The following SLC45A1 variants were observed in gnomAD, a reference collection of about 807,000 sequenced individuals.
The protein encoded by SLC45A1 is proton-associated sugar transporter A.
In SLC45A1, 28 loss-of-function variants were observed where a neutral mutation model predicts 57.6. The observed-to-expected ratio is 0.49, with a 90% confidence interval of 0.36 to 0.67. The LOEUF (loss-of-function observed/expected upper bound fraction) is 0.67. Ranked by LOEUF, SLC45A1 falls within the 30% of genes least tolerant of loss-of-function variation. SLC45A1 has a pLI of 0.00. For synonymous variants in SLC45A1, 459 were observed against 471.5 expected, an observed-to-expected ratio of 0.97 and a Z score of 0.34; for missense variants, 814 against 1,041.5, an observed-to-expected ratio of 0.78 and a Z score of 3.01.
In SLC45A1 at chr1:8,335,460, C is replaced by T. The variant is rs749786814; in HGVS notation, c.1467C>T (p.Gly489=). ...SQQVANILLN[G]VKYESELTGS... is the part of the protein sequence containing the mutation. ...AGGTGGCCAATATCCTGCTCAACGG[C>T]GTGAAGTATGAGAGCGAGCTGACGG... The change falls in exon 6 of 9, where the codon GGC becomes GGT. Residue 489 remains glycine, a synonymous_variant. Transcript: ENST00000471889. This position sits in a 1 kb window ranked among gnomAD's most constrained non-coding sequence, Gnocchi z 4.1. 1.2e-5 allele frequency: 19 copies of T among 1,596,596 alleles called. No individual in the cohort carries two copies. Among genetic ancestry groups the T allele is most frequent in the Admixed American group, 8.4e-5 (5 of 59,410 alleles).
chr1:8,319,107 C>G (rs936080896), intron 1 of SLC45A1, among the ~76,000 whole-genome samples: 1 of 152,104 alleles, frequency 6.6e-6, no homozygotes, highest in Non-Finnish European at 1.5e-5. Context: ...ATGGTGAAAC[C>G]CCATCTCTAC....
chr1:8,324,504 T>TGCCCCCCC lies in SLC45A1; in HGVS notation c.175_176insGCCCCCCC (p.Ser59CysfsTer53). On this transcript the variant is annotated frameshift_variant, in exon 2 of 9. Coordinates refer to ENST00000471889, the MANE Select transcript of SLC45A1 (RefSeq NM_001080397.3). LOFTEE classifies it high-confidence loss of function. ...CAAGAGGAGGAAGTGCATTCGTCCC[T>TGCCCCCCC]CCCCACCCCCGCCCCCCAACACCCC... 7 of 1,528,664 alleles carry TGCCCCCCC rather than the reference T, an allele frequency of 4.6e-6. No homozygotes were observed. The highest frequency in any genetic ancestry group is 5.4e-6 in the Non-Finnish European group (6 of 1,108,742). The allele number at this position is 1,528,664 out of a possible 1,614,324, so 94.7% of individuals were successfully genotyped here.
At chr1:8,342,141 A>C (rs1421143418) in intron 8 of SLC45A1, among the ~76,000 whole-genome samples, 2 of 152,140 alleles carry the variant, frequency 1.3e-5, no homozygotes, top group African/African-American at 4.8e-5. Context: ...CGGGAGGCGG[A>C]GCTTGCAGTG....
rs747538712 is a variant in SLC45A1, at chr1:8,339,510, G to C, written c.1792G>C (p.Glu598Gln). The change falls in exon 8 of 9, where the codon GAG becomes CAG. Residue 598 changes from glutamate (E) to glutamine (Q), a missense_variant. Physicochemically the swap from Glu to Gln is conservative, Grantham distance 29. Coordinates refer to ENST00000471889, the MANE Select transcript of SLC45A1 (RefSeq NM_001080397.3). ...GCCCGCAGCTATCCTGGAGAAGCTG[G>C]AGGAGTTCCTCAGCGTCCGCACCCT... ...AFYSAILEKL[E>Q]EFLSVRTLYF... The C allele has an allele frequency of 2.5e-6, 4 of 1,614,068 alleles. No individual in the cohort carries two copies. The highest frequency in any genetic ancestry group is 3.3e-5 in the Admixed American group (2 of 60,008).
In SLC45A1 at chr1:8,335,384, G is replaced by A. The variant is rs886996237; in HGVS notation, c.1444-53G>A. ...TTCCCCTGAGCAGAGCAGGGTCTGC[G>A]CTGTGTGATGGGGGTGCGGGGCTCT... is the stretch of plus-strand genomic sequence containing the variant. On this transcript the variant is annotated intron_variant, in intron 5 of 8. Coordinates refer to ENST00000471889, the MANE Select transcript of SLC45A1 (RefSeq NM_001080397.3). This position sits in a 1 kb window ranked among gnomAD's most constrained non-coding sequence, Gnocchi z 4.1. 9.2e-6 allele frequency: 14 copies of A among 1,522,884 alleles called. No homozygotes were observed. Among genetic ancestry groups the A allele is most frequent in the African/African-American group, 8.3e-5 (6 of 72,716 alleles). The allele number at this position is 1,522,884 out of a possible 1,614,324, so 94.3% of individuals were successfully genotyped here.
Position 8,343,720 on chromosome 1 carries a change from G to C in SLC45A1, c.1981-27G>C. Reference sequence around the variant, plus strand: ...CCCCGTGCTGGCCGCGGCGTGTCTCGCTGACACGTTTCTTCCTCTGGGTCA... The same window carrying C: ...CCCCGTGCTGGCCGCGGCGTGTCTCCCTGACACGTTTCTTCCTCTGGGTCA... On this transcript the variant is annotated intron_variant, in intron 8 of 8. Transcript: ENST00000471889. The surrounding 1 kb of genome is among the most constrained non-coding windows in gnomAD (Gnocchi z 7.7). The C allele has an allele frequency of 6.3e-7, 1 of 1,592,432 alleles. No homozygotes were observed. The highest frequency in any genetic ancestry group is 1.7e-4 in the Middle Eastern group (1 of 6,000).
In SLC45A1 at chr1:8,324,532, G is replaced by A. The variant is rs1557559195; in HGVS notation, c.203G>A (p.Cys68Tyr). 8 of 1,597,878 alleles carry A rather than the reference G, an allele frequency of 5.0e-6. No individual in the cohort carries two copies. Among genetic ancestry groups the A allele is most frequent in the Non-Finnish European group, 6.8e-6 (8 of 1,170,750 alleles). The change falls in exon 2 of 9, where the codon TGC becomes TAC. Residue 68 changes from cysteine to tyrosine, a missense_variant. Coordinates refer to ENST00000471889, the MANE Select transcript of SLC45A1 (RefSeq NM_001080397.3). ...CCACCCCCGCCCCCCAACACCCCGT[G>A]CCCGCTTGAGCTGGTGGACTTCGGG... ...PSPPPPPNTP[C>Y]PLELVDFGDL...
Position 8,335,347 on chromosome 1 carries a change from T to G in SLC45A1, c.1444-90T>G. On this transcript the variant is annotated intron_variant, in intron 5 of 8. Transcript: ENST00000471889. This position sits in a 1 kb window ranked among gnomAD's most constrained non-coding sequence, Gnocchi z 4.1. Reference sequence around the variant, plus strand: ...ACCCTTGCAGCCTCCGTGCGGTGTTTCCGAGAGCGCATTCCCCTGAGCAGA... The same window carrying G: ...ACCCTTGCAGCCTCCGTGCGGTGTTGCCGAGAGCGCATTCCCCTGAGCAGA... The G allele has an allele frequency of 7.7e-7, 1 of 1,301,150 alleles. No individual in the cohort carries two copies. The allele number at this position is 1,301,150 out of a possible 1,614,324, so 80.6% of individuals were successfully genotyped here. A position where few individuals can be genotyped will look rare whatever the true frequency, so the allele number is the denominator to read the frequency against.
rs1431576993 is a variant in SLC45A1, at chr1:8,338,233, G to C, written c.1774+241G>C. Reference sequence around the variant, plus strand: ...CTACGGGGGCACGGGTGCTTGTCAGGACCTGACTACACCGGCAGGCCATAG... The same window carrying C: ...CTACGGGGGCACGGGTGCTTGTCAGCACCTGACTACACCGGCAGGCCATAG... On this transcript the variant is annotated intron_variant, in intron 7 of 8. Transcript: ENST00000471889. 2.0e-5 allele frequency among the ~76,000 whole-genome samples: 3 copies of C among 152,318 alleles called. No homozygotes were observed. The East Asian group carries it at 5.8e-4, about 30-fold the overall frequency.
chr1:8,321,525 C>T (rs1345149631), intron 1 of SLC45A1, among the ~76,000 whole-genome samples: 1 of 152,130 alleles, frequency 6.6e-6, no homozygotes, highest in Non-Finnish European at 1.5e-5. Flanking sequence ...ATGATTCTAC[C>T]CCCCAGGAAG....
intron 7 of SLC45A1, among the ~76,000 whole-genome samples, 166 bp from the exon 8 acceptor site, chr1:8,339,327 C>T (rs1640727441): frequency 6.6e-6 from 1 of 152,206 alleles, no homozygotes; most frequent in African/African-American, 2.4e-5. Flanking sequence ...GGTCTCTCAG[C>T]TCCCCTGGGT....
chr1:8,322,218 G>C (rs1275135234), intron 1 of SLC45A1, among the ~76,000 whole-genome samples: 50 of 95,184 alleles, frequency 5.3e-4, no homozygotes, highest in East Asian at 7.0e-4. Context: ...TGGATGGGTG[G>C]ATGGATGGAT....
chr1:8,326,123 T>A lies in SLC45A1; in HGVS notation c.715+81T>A. On this transcript the variant is annotated intron_variant, in intron 4 of 8. Coordinates refer to ENST00000471889, the MANE Select transcript of SLC45A1 (RefSeq NM_001080397.3). This position sits in a 1 kb window ranked among gnomAD's most constrained non-coding sequence, Gnocchi z 5.5. ...TGTGGCTTTCGAGGCCCTTCCTCAC[T>A]CCCTGATTTAACAAAGAAGCTGGGA... 1 of 1,068,202 alleles carries A rather than the reference T, an allele frequency of 9.4e-7. No homozygotes were observed. Among genetic ancestry groups the A allele is most frequent in the Non-Finnish European group, 1.4e-6 (1 of 728,856 alleles). 66.2% of individuals were successfully genotyped at this position (1,068,202 alleles called of 1,614,324 possible). A position where few individuals can be genotyped will look rare whatever the true frequency, so the allele number is the denominator to read the frequency against.
intron 1 of SLC45A1, among the ~76,000 whole-genome samples, chr1:8,323,776 G>A (rs147734491): frequency 1.3e-4 from 20 of 152,338 alleles, no homozygotes; most frequent in Non-Finnish European, 2.1e-4. Context: ...GAACACAAGC[G>A]TTAGGGAGTG....
In SLC45A1 at chr1:8,328,335, C is replaced by G. The variant is rs924245706; in HGVS notation, c.716-1874C>G. On this transcript the variant is annotated intron_variant, in intron 4 of 8. Transcript: ENST00000471889. This position sits in a 1 kb window ranked among gnomAD's most constrained non-coding sequence, Gnocchi z 4.6. ...GAAAGTCCACGTGGCGCAAATGGCTCTACTTCCACAAGCCTCGGTCGCATC... is the reference window on the plus strand; with the variant it reads ...GAAAGTCCACGTGGCGCAAATGGCTGTACTTCCACAAGCCTCGGTCGCATC... Among the ~76,000 whole-genome samples the G allele has an allele frequency of 1.3e-5, 2 of 152,218 alleles. No individual in the cohort carries two copies. Among genetic ancestry groups the G allele is most frequent in the Non-Finnish European group, 2.9e-5 (2 of 68,038 alleles).
At position 8,324,504 on chromosome 1, in the gene SLC45A1, T is replaced by TGGCCC; in HGVS notation, c.175_176insGGCCC (p.Ser59TrpfsTer52). ...CAAGAGGAGGAAGTGCATTCGTCCCTCCCCACCCCCGCCCCCCAACACCCC... is the reference window on the plus strand; with the variant it reads ...CAAGAGGAGGAAGTGCATTCGTCCCTGGCCCCCCCACCCCCGCCCCCCAACACCCC... On this transcript the variant is annotated frameshift_variant, in exon 2 of 9. Transcript: ENST00000471889. LOFTEE classifies it high-confidence loss of function. 1 of 1,528,670 alleles carries TGGCCC rather than the reference T, an allele frequency of 6.5e-7. No individual in the cohort carries two copies. The highest frequency in any genetic ancestry group is 9.0e-7 in the Non-Finnish European group (1 of 1,108,742). 94.7% of individuals were successfully genotyped at this position (1,528,670 alleles called of 1,614,324 possible).
chr1:8,330,039 G>A lies in SLC45A1; in HGVS notation c.716-170G>A, dbSNP rs1374334306. On this transcript the variant is annotated intron_variant, in intron 4 of 8. Coordinates refer to ENST00000471889, the MANE Select transcript of SLC45A1 (RefSeq NM_001080397.3). This position sits in a 1 kb window ranked among gnomAD's most constrained non-coding sequence, Gnocchi z 8.4. ...GACAGGAGGGGGACCTCCTCAAGGG[G>A]CCCGCCCTGGGAATCCTGTCCCATT... 6.2e-6 allele frequency: 5 copies of A among 811,996 alleles called. No homozygotes were observed. Among genetic ancestry groups the A allele is most frequent in the Non-Finnish European group, 9.6e-6 (5 of 522,468 alleles). 50.3% of individuals were successfully genotyped at this position (811,996 alleles called of 1,614,324 possible).
Position 8,327,400 on chromosome 1 carries a change from G to C in SLC45A1, c.715+1358G>C, listed in dbSNP as rs1640236557. Among the ~76,000 whole-genome samples, 1 of 152,188 alleles carries C rather than the reference G, an allele frequency of 6.6e-6. No homozygotes were observed. The highest frequency in any genetic ancestry group is 1.5e-5 in the Non-Finnish European group (1 of 68,042). ...TGCCATTAGGGACACACAAACAAAA[G>C]GTGTGAGGTCAGCCCCACTGGTCTC... On this transcript the variant is annotated intron_variant, in intron 4 of 8. Transcript: ENST00000471889. The surrounding 1 kb of genome is among the most constrained non-coding windows in gnomAD (Gnocchi z 4.3).
chr1:8,330,669 T>TGGCAGCGTCCCCAGGCCGCCC lies in SLC45A1; in HGVS notation c.1177_1197dup (p.Gly393_Pro399dup), dbSNP rs768696228. ...GCCACGACAGCTACCTGGCCATCCC[T>TGGCAGCGTCCCCAGGCCGCCC]GGCAGCGTCCCCAGGCCGCCCATCA... On this transcript the variant is annotated inframe_insertion, in exon 5 of 9. Transcript: ENST00000471889. The surrounding 1 kb of genome is among the most constrained non-coding windows in gnomAD (Gnocchi z 8.4). The TGGCAGCGTCCCCAGGCCGCCC allele has an allele frequency of 6.2e-7, 1 of 1,613,202 alleles. No homozygotes were observed. Among genetic ancestry groups the TGGCAGCGTCCCCAGGCCGCCC allele is most frequent in the Non-Finnish European group, 8.5e-7 (1 of 1,179,980 alleles).
Sources: gnomAD v4.1 joint callset for allele counts (sites outside exome capture counted in the v4.1 genomes callset) on GRCh38, gnomAD v4.1.1 for gene constraint, Gnocchi (gnomAD v3.1) non-coding constraint, MANE v1.5 for transcripts, NCBI Gene and HGNC (gene_info 2026-07-23, HGNC 2026-07-21) for gene names.